NUDT16L1: variants seen among roughly 807,000 people sequenced by gnomAD.
NUDT16L1 encodes nudix hydrolase 16 like 1.
NUDT16L1 carries 19 observed loss-of-function variants against 17.3 expected under a neutral mutation model. The ratio of observed to expected loss-of-function variants is 1.10; its 90% confidence interval spans 0.77 to 1.61. NUDT16L1 has a LOEUF of 1.61. NUDT16L1 is among the 40% of genes most tolerant of loss of function. The pLI is 0.00. For synonymous variants in NUDT16L1, 255 were observed against 138.6 expected (o/e 1.84, Z -5.90); for missense variants, 341 against 292.0 (o/e 1.17, Z -1.22).
At chr16:4,694,803 C>T (rs2079502806) in intron 2 of NUDT16L1, 155 bp from the exon 3 acceptor site, 7 of 1,444,972 alleles carry the variant, frequency 4.8e-6, no homozygotes, top group South Asian at 1.5e-5. Context: ...TCCGAGGGAG[C>T]TGGCTGGCTT....
intron 2 of NUDT16L1, chr16:4,694,546 G>C: frequency 6.9e-7 from 1 of 1,457,122 alleles, no homozygotes; most frequent in Non-Finnish European, 9.0e-7. Flanking sequence ...AGCGGGGATT[G>C]CTTGGGGAGT....
chr16:4,694,223 C>A (rs1415570250), exon 2 of NUDT16L1: 3 of 1,510,026 alleles, frequency 2.0e-6, no homozygotes, highest in Non-Finnish European at 2.6e-6. Flanking sequence ...TGCACTCGCG[C>A]GACCACGGCC....
exon 1 of NUDT16L1, chr16:4,693,805 T>G (rs2079477111): frequency 6.4e-7 from 1 of 1,572,388 alleles, no homozygotes; most frequent in African/African-American, 1.4e-5. Flanking sequence ...CTGGAGCCAC[T>G]CGTGCCACGC....
At chr16:4,694,962 T>G in exon 3 of NUDT16L1, 1 of 1,608,092 alleles carries the variant, frequency 6.2e-7, no homozygotes, top group Non-Finnish European at 8.5e-7. Flanking sequence ...GCGCAGGTGC[T>G]GGGCCTCGTG....
At chr16:4,694,382 G>C (rs767353784) in intron 2 of NUDT16L1, 144 bp downstream of exon 2, 2 of 1,482,270 alleles carry the variant, frequency 1.3e-6, no homozygotes, top group Non-Finnish European at 1.8e-6. Flanking sequence ...GGTGGGGAGA[G>C]GGGTCTGGGG....
chr16:4,693,734 C>T (rs776433943), exon 1 of NUDT16L1: 10 of 1,535,132 alleles, frequency 6.5e-6, no homozygotes, highest in Middle Eastern at 1.8e-4. Flanking sequence ...AAGATGTCGA[C>T]GGCGGCGGTT....
Position 4,693,961 on chromosome 16 carries a change from C to T in NUDT16L1, c.154-17C>T, listed in dbSNP as rs767076347. 49 of 1,545,330 alleles carry T rather than the reference C, an allele frequency of 3.2e-5. No homozygotes were observed. Among genetic ancestry groups the T allele is most frequent in the South Asian group, 1.6e-4 (13 of 83,596 alleles). On this transcript the variant is annotated splice_polypyrimidine_tract_variant and intron_variant, in intron 1 of 2. Transcript: ENST00000304301. ...GCGTCCGTCGACCCCGCGGCTGTGA[C>T]CCGCGCTCCCTTGCAGATGCAGATG...
chr16:4,694,946 C>CT lies in NUDT16L1; in HGVS notation c.415-11dup, dbSNP rs1567267481. The CT allele has an allele frequency of 6.2e-7, 1 of 1,601,232 alleles. No homozygotes were observed. The highest frequency in any genetic ancestry group is 2.2e-5 in the East Asian group (1 of 44,532). On this transcript the variant is annotated splice_polypyrimidine_tract_variant and intron_variant, in intron 2 of 2. Transcript: ENST00000304301. Reference sequence around the variant, plus strand: ...CAGGCCTGGCCCCAACCCCTACCTCCTGTCTGCGCAGGTGCTGGGCCTCGT... The same window carrying CT: ...CAGGCCTGGCCCCAACCCCTACCTCCTTGTCTGCGCAGGTGCTGGGCCTCGT...
At chr16:4,693,583 G>A, upstream of NUDT16L1, 2 of 943,154 alleles carry the variant, frequency 2.1e-6, no homozygotes, top group Non-Finnish European at 2.8e-6. Context: ...GCGGCGCTGC[G>A]AGGGGCTCGG....
exon 3 of NUDT16L1, chr16:4,695,215 G>C (rs760155214): frequency 2.5e-6 from 4 of 1,590,310 alleles, no homozygotes; most frequent in Non-Finnish European, 2.6e-6. Flanking sequence ...CCCCTGGGCC[G>C]GAAGACTGGG....
chr16:4,694,945 C>T lies in NUDT16L1; in HGVS notation c.415-13C>T. ...GCAGGCCTGGCCCCAACCCCTACCT[C>T]CTGTCTGCGCAGGTGCTGGGCCTCG... On this transcript the variant is annotated splice_polypyrimidine_tract_variant and intron_variant, in intron 2 of 2. Coordinates refer to ENST00000304301, the Ensembl canonical transcript of NUDT16L1. 1.2e-6 allele frequency: 2 copies of T among 1,600,734 alleles called. No homozygotes were observed. The highest frequency in any genetic ancestry group is 1.7e-6 in the Non-Finnish European group (2 of 1,177,148).
Position 4,694,604 on chromosome 16 carries a change from T to G in NUDT16L1, c.415-354T>G, listed in dbSNP as rs201516097. 0.022 allele frequency: 30,977 copies of G among 1,430,472 alleles called. 415 individuals carry two copies. Among genetic ancestry groups the G allele is most frequent in the Non-Finnish European group, 0.025 (27,454 of 1,094,150 alleles). The allele number at this position is 1,430,472 out of a possible 1,614,324, so 88.6% of individuals were successfully genotyped here. ...GGTTGTAAAACTTGGGAACCTCATG[T>G]TGGGCGTGAAGGCTCTTGGGATTTG... On this transcript the variant is annotated intron_variant, in intron 2 of 2. Transcript: ENST00000304301.
In NUDT16L1 at chr16:4,693,970, C is replaced by T; in HGVS notation, c.154-8C>T. 1 of 1,563,542 alleles carries T rather than the reference C, an allele frequency of 6.4e-7. No individual in the cohort carries two copies. Among genetic ancestry groups the T allele is most frequent in the Non-Finnish European group, 8.6e-7 (1 of 1,162,362 alleles). On this transcript the variant is annotated splice_polypyrimidine_tract_variant and splice_region_variant and intron_variant, in intron 1 of 2. Transcript: ENST00000304301. ...GACCCCGCGGCTGTGACCCGCGCTCCCTTGCAGATGCAGATGCGTTTCGAC... is the reference window on the plus strand; with the variant it reads ...GACCCCGCGGCTGTGACCCGCGCTCTCTTGCAGATGCAGATGCGTTTCGAC...
At chr16:4,693,726 G>A (rs771706304) in exon 1 of NUDT16L1, 98 of 1,527,722 alleles carry the variant, frequency 6.4e-5, no homozygotes, top group African/African-American at 1.7e-4. Flanking sequence ...TCAGTGCCAA[G>A]ATGTCGACGG....
chr16:4,695,654 C>A (rs1368134731), exon 3 of NUDT16L1: 1 of 409,608 alleles, frequency 2.4e-6, no homozygotes, highest in Admixed American at 4.1e-5. Context: ...GTTAATAATA[C>A]TGTTAATTTG....
In NUDT16L1 at chr16:4,694,881, T is replaced by A. The variant is rs1352189674; in HGVS notation, c.415-77T>A. 4.6e-6 allele frequency: 7 copies of A among 1,520,756 alleles called. No individual in the cohort carries two copies. The African/African-American group carries it at 8.3e-5, about 18-fold the overall frequency. The allele number at this position is 1,520,756 out of a possible 1,614,324, so 94.2% of individuals were successfully genotyped here. A position where few individuals can be genotyped will look rare whatever the true frequency, so the allele number is the denominator to read the frequency against. ...GCTGGCTGCTCATACCCTGGCCTCA[T>A]AGCTTCCAGGCCCCTCCTGCTGGAG... On this transcript the variant is annotated intron_variant, in intron 2 of 2. Coordinates refer to ENST00000304301, the Ensembl canonical transcript of NUDT16L1.
At chr16:4,693,858 C>G in exon 1 of NUDT16L1, 1 of 1,554,566 alleles carries the variant, frequency 6.4e-7, no homozygotes, top group Non-Finnish European at 8.6e-7. Flanking sequence ...TCGGCCGCAT[C>G]CCCATGCGCT....
At chr16:4,694,261 G>A in intron 2 of NUDT16L1, 23 bp downstream of exon 2, 3 of 1,457,276 alleles carry the variant, frequency 2.1e-6, no homozygotes, top group Non-Finnish European at 1.8e-6. Context: ...CCCGGGCCCC[G>A]CCCCCCGCCC....
exon 3 of NUDT16L1, chr16:4,695,792 T>C (rs544161534): frequency 2.5e-6 from 1 of 393,788 alleles, no homozygotes; most frequent in East Asian, 3.6e-5. Context: ...GGGGCCCAGC[T>C]ATGTACAACG....
Sources: allele counts gnomAD v4.1 joint callset, GRCh38; gene constraint gnomAD v4.1.1; transcripts MANE v1.5; gene names NCBI Gene and HGNC (gene_info 2026-07-23, HGNC 2026-07-21).